C19orf67: variants seen among roughly 807,000 people sequenced by gnomAD.
The protein encoded by C19orf67 is UPF0575 protein C19orf67.
Under a neutral mutation model 41.4 loss-of-function variants are expected in C19orf67, and 28 were observed. The ratio of observed to expected loss-of-function variants is 0.68; its 90% CI spans 0.50 to 0.93. C19orf67 has a LOEUF of 0.93. C19orf67 is among the 40% of genes least tolerant of loss of function. The pLI is 0.00. For synonymous variants in C19orf67, 242 were observed against 203.4 expected (o/e 1.19, Z -1.62); for missense variants, 421 against 467.0 (o/e 0.90, Z 0.91).
chr19:14,084,302 A>G (rs1263997535), intron 1 of C19orf67, among the ~76,000 whole-genome samples: 1 of 151,804 alleles, frequency 6.6e-6, no homozygotes, highest in Non-Finnish European at 1.5e-5. Flanking sequence ...AGGTGGGAAG[A>G]TTGCTTGAGA....
Position 14,081,879 on chromosome 19 carries a change from A to T in C19orf67, c.1032T>A (p.Pro344=). Residue 344 remains proline (P), a synonymous_variant, in exon 6 of 6, where the codon CCT becomes CCA. Transcript: ENST00000548523. ...ACCCCGCAGGCCCGGCTGCGCTCGG[A>T]GGCCGGGCCTGGCCTGCCTGGCCCG... ...ILTGQAGQAR[P]PSAAGPAGWA... 6.5e-7 allele frequency: 1 copy of T among 1,533,480 alleles called. No individual in the cohort carries two copies. The highest frequency in any genetic ancestry group is 1.2e-5 in the South Asian group (1 of 83,922). 95.0% of individuals were successfully genotyped at this position (1,533,480 alleles called of 1,614,324 possible). A position where few individuals can be genotyped will look rare whatever the true frequency, so the allele number is the denominator to read the frequency against.
Position 14,081,654 on chromosome 19 carries a change from C to T in C19orf67, c.*180G>A, listed in dbSNP as rs1272525662. On this transcript the variant is annotated 3_prime_UTR_variant, in exon 6 of 6. Coordinates refer to ENST00000548523, the MANE Select transcript of C19orf67 (RefSeq NM_001277378.2). Reference sequence around the variant, plus strand: ...TTTCTTTCTTTTATTTAACACAAAACTGACGTGTCCGCATTCAGGGCCCCA... The same window carrying T: ...TTTCTTTCTTTTATTTAACACAAAATTGACGTGTCCGCATTCAGGGCCCCA... 1.0e-5 allele frequency: 5 copies of T among 476,786 alleles called. No homozygotes were observed. The East Asian group carries it at 1.8e-4, about 17-fold the overall frequency. 29.5% of individuals were successfully genotyped at this position (476,786 alleles called of 1,614,324 possible). A position where few individuals can be genotyped will look rare whatever the true frequency, so the allele number is the denominator to read the frequency against.
chr19:14,085,004 C>G (rs530339366), intron 1 of C19orf67, among the ~76,000 whole-genome samples: 2 of 152,306 alleles, frequency 1.3e-5, no homozygotes, highest in East Asian at 3.9e-4. Context: ...GTTTAGCCAG[C>G]ACAGGGCTCA....
Position 14,085,340 on chromosome 19 carries a change from G to T in C19orf67, c.288C>A (p.Arg96=). The T allele has an allele frequency of 1.3e-6, 2 of 1,536,242 alleles. No individual in the cohort carries two copies. Among genetic ancestry groups the T allele is most frequent in the Non-Finnish European group, 1.7e-6 (2 of 1,146,934 alleles). Reference sequence around the variant, plus strand: ...AATCATCTGCCTTCTTCAGTAGGTAGCGCAGCTGTTGGGTGATGGGGCTGA... The same window carrying T: ...AATCATCTGCCTTCTTCAGTAGGTATCGCAGCTGTTGGGTGATGGGGCTGA... The part of the protein sequence containing the change: ...TLFSPITQQL[R]YLLKKADDFQ... Residue 96 remains arginine, a synonymous_variant, in exon 1 of 6, where the codon CGC becomes CGA. Transcript: ENST00000548523.
rs1976797228 is a variant in C19orf67, at chr19:14,083,293, C to T, written c.711G>A (p.Trp237Ter). Residue 237 changes from tryptophan to a stop codon, truncating the protein, a stop_gained, in exon 4 of 6, where the codon TGG (tryptophan) becomes TGA (stop). Transcript: ENST00000548523. LOFTEE classifies it high-confidence loss of function. ...FPRYLYKKMR[W>*]HLEATPEAPG... is the part of the protein sequence containing the mutation. ...GGGCCTCTGGGGTGGCTTCCAGGTG[C>T]CAGCGCATCTTCTTATAGAGGTAGC... The T allele has an allele frequency of 1.3e-6, 2 of 1,535,900 alleles. No homozygotes were observed. Among genetic ancestry groups the T allele is most frequent in the African/African-American group, 1.4e-5 (1 of 72,994 alleles).
At chr19:14,084,096 G>A (rs554527322) in intron 1 of C19orf67, among the ~76,000 whole-genome samples, 2 of 151,506 alleles carry the variant, frequency 1.3e-5, no homozygotes, top group Non-Finnish European at 2.9e-5. Context: ...CAACACTTAG[G>A]ACCCAGAGCT....
chr19:14,085,465 C>T lies in C19orf67; in HGVS notation c.163G>A (p.Glu55Lys), dbSNP rs750755045. Residue 55 changes from glutamate to lysine, a missense_variant, in exon 1 of 6, where the codon GAG (glutamate) becomes AAG (lysine). This residue lies in a region of C19orf67 where 160 missense variants were observed against 139.2 expected (regional missense o/e 1.15). Coordinates refer to ENST00000548523, the MANE Select transcript of C19orf67 (RefSeq NM_001277378.2). ...GCCCGGGCCTCAGCCAGCCGCCCCT[C>T]GGCATCTTCAGGATCCGGCTCAGAT... is the stretch of plus-strand genomic sequence containing the variant. ...NPSEPDPEDA[E>K]GRLAEARAST... 2 of 1,535,418 alleles carry T rather than the reference C, an allele frequency of 1.3e-6. No homozygotes were observed. Among genetic ancestry groups the T allele is most frequent in the South Asian group, 1.2e-5 (1 of 84,032 alleles).
Position 14,085,629 on chromosome 19 carries a change from G to A in C19orf67, c.-2C>T. On this transcript the variant is annotated 5_prime_UTR_variant, in exon 1 of 6. Coordinates refer to ENST00000548523, the MANE Select transcript of C19orf67 (RefSeq NM_001277378.2). ...CTCGAACCACTGCTCTGTAGCCATGGTAGGGCCGGGGGGCGGGAACCTGAG... is the reference window on the plus strand; with the variant it reads ...CTCGAACCACTGCTCTGTAGCCATGATAGGGCCGGGGGGCGGGAACCTGAG... The A allele has an allele frequency of 6.5e-7, 1 of 1,529,650 alleles. No homozygotes were observed. Among genetic ancestry groups the A allele is most frequent in the Non-Finnish European group, 8.8e-7 (1 of 1,142,346 alleles). The allele number at this position is 1,529,650 out of a possible 1,614,324, so 94.8% of individuals were successfully genotyped here. A position where few individuals can be genotyped will look rare whatever the true frequency, so the allele number is the denominator to read the frequency against.
At position 14,082,512 on chromosome 19, in the gene C19orf67, G is replaced by A. The variant is rs932502334; in HGVS notation, c.859C>T (p.Arg287Ter). Residue 287 changes from arginine (R) to a stop codon, truncating the protein, a stop_gained, in exon 5 of 6, where the codon CGA becomes TGA. Transcript: ENST00000548523. LOFTEE classifies it high-confidence loss of function. ...PQIQKLWSIGRWVPLGPAEDD... is the reference protein window; with the variant it reads ...PQIQKLWSIG Reference sequence around the variant, plus strand: ...TCGGCTGGTCCTAGGGGCACCCATCGGCCGATGGACCACAGCTTCTGGATC... The same window carrying A: ...TCGGCTGGTCCTAGGGGCACCCATCAGCCGATGGACCACAGCTTCTGGATC... The A allele has an allele frequency of 1.0e-5, 16 of 1,536,076 alleles. No individual in the cohort carries two copies. In the East Asian group the frequency reaches 1.7e-4, roughly 16 times the overall value.
rs1283128998 is a variant in C19orf67, at chr19:14,083,281, G to A, written c.723C>T (p.Ala241=). Residue 241 remains alanine (A), a synonymous_variant, in exon 4 of 6, where the codon GCC becomes GCT. Coordinates refer to ENST00000548523, the MANE Select transcript of C19orf67 (RefSeq NM_001277378.2). ...GTCCCCGACCAGGGGCCTCTGGGGT[G>A]GCTTCCAGGTGCCAGCGCATCTTCT... ...LYKKMRWHLE[A]TPEAPGRGQD... is the part of the protein sequence containing the mutation. 6.5e-7 allele frequency: 1 copy of A among 1,536,094 alleles called. No individual in the cohort carries two copies. The highest frequency in any genetic ancestry group is 2.0e-5 in the Admixed American group (1 of 50,992).
chr19:14,085,722 G>T lies in C19orf67; in HGVS notation c.-95C>A. On this transcript the variant is annotated 5_prime_UTR_variant, in exon 1 of 6. Transcript: ENST00000548523. ...ACCCCGCCCCGGGAGCCTCCGACTG[G>T]CCCCTGCCTTGACCTCTCCACCGGA... 1 of 913,592 alleles carries T rather than the reference G, an allele frequency of 1.1e-6. No individual in the cohort carries two copies. The highest frequency in any genetic ancestry group is 1.7e-6 in the Non-Finnish European group (1 of 603,780). 56.6% of individuals were successfully genotyped at this position (913,592 alleles called of 1,614,324 possible). A position where few individuals can be genotyped will look rare whatever the true frequency, so the allele number is the denominator to read the frequency against.
chr19:14,085,465 C>G lies in C19orf67; in HGVS notation c.163G>C (p.Glu55Gln). The stretch of plus-strand genomic sequence containing the variant: ...GCCCGGGCCTCAGCCAGCCGCCCCT[C>G]GGCATCTTCAGGATCCGGCTCAGAT... ...NPSEPDPEDA[E>Q]GRLAEARAST... The change falls in exon 1 of 6, where the codon GAG becomes CAG. Residue 55 changes from glutamate (E) to glutamine (Q), a missense_variant. By Grantham distance (29) the Glu-to-Gln change is conservative. Around this residue, in one of 3 missense-constraint regions of C19orf67, gnomAD observed 160 missense variants for 139.2 expected, o/e 1.15. Coordinates refer to ENST00000548523, the MANE Select transcript of C19orf67 (RefSeq NM_001277378.2). 2 of 1,535,418 alleles carry G rather than the reference C, an allele frequency of 1.3e-6. No individual in the cohort carries two copies. Among genetic ancestry groups the G allele is most frequent in the South Asian group, 1.2e-5 (1 of 84,032 alleles).
rs1301648173 is a variant in C19orf67, at chr19:14,083,731, AC to A, written c.480+1del. 3 of 1,450,928 alleles carry A rather than the reference AC, an allele frequency of 2.1e-6. No homozygotes were observed. The highest frequency in any genetic ancestry group is 2.5e-5 in the Admixed American group (1 of 39,310). 89.9% of individuals were successfully genotyped at this position (1,450,928 alleles called of 1,614,324 possible). On this transcript the variant is annotated splice_donor_variant, in intron 2 of 5. Coordinates refer to ENST00000548523, the MANE Select transcript of C19orf67 (RefSeq NM_001277378.2). LOFTEE classifies it high-confidence loss of function. ...CGTGGGGTCTAAGAAACCTCCACAC[AC>A]CCCCTTTCGGACCAGCTCCTGCAGG...
chr19:14,084,816 G>A (rs546230888), intron 1 of C19orf67, among the ~76,000 whole-genome samples: 9 of 152,160 alleles, frequency 5.9e-5, no homozygotes, highest in African/African-American at 2.4e-5. Context: ...CAGCCTGGGC[G>A]ACAGAGTGAG....
chr19:14,082,153 C>T, intron 5 of C19orf67, 145 bp from the exon 6 acceptor site: 1 of 745,348 alleles, frequency 1.3e-6, no homozygotes, highest in Non-Finnish European at 2.1e-6. Flanking sequence ...AAACTTGTTT[C>T]CTTGTTGATC....
intron 1 of C19orf67, 25 bp downstream of exon 1, chr19:14,085,268 G>C: frequency 6.5e-7 from 1 of 1,530,332 alleles, no homozygotes; most frequent in Non-Finnish European, 8.8e-7. Flanking sequence ...TACCCATGGG[G>C]ACCTGGGACC....
Position 14,082,586 on chromosome 19 carries a change from C to T in C19orf67, c.785G>A (p.Arg262Gln), listed in dbSNP as rs751897743. 7.8e-6 allele frequency: 12 copies of T among 1,536,178 alleles called. No homozygotes were observed. In the South Asian group the frequency reaches 1.2e-4, roughly 15 times the overall value. Residue 262 changes from arginine (R) to glutamine (Q), a missense_variant, in exon 5 of 6, where the codon CGA becomes CAA. Coordinates refer to ENST00000548523, the MANE Select transcript of C19orf67 (RefSeq NM_001277378.2). ...CTGGCCTGTGTCTTCCCAAGTATCT[C>T]GATAGCACAGAAAGTAGCTAGGAGG... ...SLVDYYFLCYRDTWEDTGQSP... is the reference protein window; with the variant it reads ...SLVDYYFLCYQDTWEDTGQSP...
chr19:14,083,768 T>C lies in C19orf67; in HGVS notation c.445A>G (p.Ile149Val). ...LEAAARSIPP[I>V]YGPLQELVRK... ...ACCAGCTCCTGCAGGGGTCCATAGA[T>C]GGGGGGTATGCTTCTCGCGGCTGCC... Residue 149 changes from isoleucine (I) to valine (V), a missense_variant, in exon 2 of 6, where the codon ATC (isoleucine) becomes GTC (valine). Physicochemically the swap from Ile to Val is conservative, Grantham distance 29. This residue lies in a region of C19orf67 where 253 missense variants were observed against 307.0 expected (regional missense o/e 0.82). Transcript: ENST00000548523. The C allele has an allele frequency of 7.0e-7, 1 of 1,431,472 alleles. No individual in the cohort carries two copies. The highest frequency in any genetic ancestry group is 9.1e-7 in the Non-Finnish European group (1 of 1,094,230). The allele number at this position is 1,431,472 out of a possible 1,614,324, so 88.7% of individuals were successfully genotyped here. A position where few individuals can be genotyped will look rare whatever the true frequency, so the allele number is the denominator to read the frequency against.
At chr19:14,085,184 C>T in intron 1 of C19orf67, 109 bp downstream of exon 1, 1 of 790,256 alleles carries the variant, frequency 1.3e-6, no homozygotes, top group Non-Finnish European at 2.1e-6. Context: ...CTGTCTCCCT[C>T]TGGCTCCTAG....
Sources: allele counts gnomAD v4.1 joint callset (sites outside exome capture counted in the v4.1 genomes callset), GRCh38; gene constraint gnomAD v4.1.1; regional missense constraint gnomAD v4.1.1; transcripts MANE v1.5; gene names NCBI Gene and HGNC (gene_info 2026-07-23, HGNC 2026-07-21).